The following PTGER3 variants were observed in gnomAD, a reference collection of about 807,000 sequenced individuals.
The protein encoded by PTGER3 is prostaglandin E2 receptor EP3 subtype.
PTGER3 carries 22 observed loss-of-function variants against 34.7 expected under a neutral mutation model. The ratio of observed to expected loss-of-function variants is 0.63; its 90% CI spans 0.45 to 0.91. The LOEUF is 0.91. Ranked by LOEUF, PTGER3 falls within the 40% of genes least tolerant of loss-of-function variation. The pLI is 0.00. For synonymous variants in PTGER3, 241 were observed against 230.1 expected, an observed-to-expected ratio of 1.05 and a Z score of -0.43; for missense variants, 468 against 519.4, an observed-to-expected ratio of 0.90 and a Z score of 0.96.
At chr1:71,018,103 T>C (rs1658074636) in intron 1 of PTGER3, among the ~76,000 whole-genome samples, 1 of 152,010 alleles carries the variant, frequency 6.6e-6, no homozygotes, top group Non-Finnish European at 1.5e-5. Context: ...GGTGGACTAA[T>C]ACAGCCACCA....
At chr1:70,887,618 A>T (rs575830103) in intron 4 of PTGER3, among the ~76,000 whole-genome samples, 1 of 139,760 alleles carries the variant, frequency 7.2e-6, no homozygotes, top group Non-Finnish European at 1.6e-5. Context: ...GCTCCTATAT[A>T]TACTTATTTT....
At chr1:70,928,497 G>A (rs114954069) in intron 4 of PTGER3, among the ~76,000 whole-genome samples, 2 of 151,936 alleles carry the variant, frequency 1.3e-5, no homozygotes, top group Non-Finnish European at 2.9e-5. Flanking sequence ...GCCAGGCATG[G>A]TGGCATGTGC....
At chr1:71,045,429 T>C (rs1660680036) in intron 1 of PTGER3, among the ~76,000 whole-genome samples, 1 of 152,186 alleles carries the variant, frequency 6.6e-6, no homozygotes, top group Non-Finnish European at 1.5e-5. Flanking sequence ...GTATAATACA[T>C]ATAGTTGGTT....
intron 4 of PTGER3, among the ~76,000 whole-genome samples, chr1:70,901,656 A>T (rs1053143442): frequency 6.6e-6 from 1 of 152,202 alleles, no homozygotes; most frequent in Non-Finnish European, 1.5e-5. Flanking sequence ...TGTGAGTATA[A>T]CTATTTAATC....
rs1390573421 is a variant in PTGER3, at chr1:71,018,481, C to A, written c.898-5997G>T. On this transcript the variant is annotated intron_variant, in intron 1 of 3. Coordinates refer to ENST00000306666, the MANE Select transcript of PTGER3 (RefSeq NM_198719.2). ...AAAAAAAGCTTATTAATCCCTTTCCCCTCTTTTTATAAACTATTAGAAAAG... is the reference window on the plus strand; with the variant it reads ...AAAAAAAGCTTATTAATCCCTTTCCACTCTTTTTATAAACTATTAGAAAAG... Among the ~76,000 whole-genome samples, 5 of 152,162 alleles carry A rather than the reference C, an allele frequency of 3.3e-5. 1 individual carries two copies. The South Asian group carries it at 8.3e-4, about 25-fold the overall frequency.
At chr1:70,858,436 G>C (rs1340537950) in intron 4 of PTGER3, among the ~76,000 whole-genome samples, 2 of 152,042 alleles carry the variant, frequency 1.3e-5, no homozygotes, top group Non-Finnish European at 2.9e-5. Flanking sequence ...TGTTGGTATA[G>C]TTTTCCTATT....
rs185521019 is a variant in PTGER3, at chr1:70,963,578, C to T, written c.1078-9789G>A. Among the ~76,000 whole-genome samples the T allele has an allele frequency of 2.6e-3, 400 of 152,324 alleles. 8 individuals carry two copies. Among genetic ancestry groups the T allele is most frequent in the African/African-American group, 9.3e-3 (385 of 41,576 alleles). ...TGCCAAGGCCCAGGGCCTGCGCCCTCCGAAGCCACTGCCTGAACGGTACCT... is the reference window on the plus strand; with the variant it reads ...TGCCAAGGCCCAGGGCCTGCGCCCTTCGAAGCCACTGCCTGAACGGTACCT... On this transcript the variant is annotated intron_variant, in intron 2 of 3. Transcript: ENST00000356595.
chr1:71,016,539 A>G (rs1657913882), intron 1 of PTGER3, among the ~76,000 whole-genome samples: 1 of 152,178 alleles, frequency 6.6e-6, no homozygotes, highest in Non-Finnish European at 1.5e-5. Flanking sequence ...GTGGTGGCTC[A>G]TGCCTGTAAT....
At chr1:71,031,568 A>G (rs909242065) in intron 1 of PTGER3, among the ~76,000 whole-genome samples, 39 of 152,268 alleles carry the variant, frequency 2.6e-4, no homozygotes, top group Non-Finnish European at 2.6e-4. Context: ...TGAATTTTAC[A>G]AGCATAACAC....
chr1:70,974,533 A>G lies in PTGER3; in HGVS notation c.1078-145T>C. On this transcript the variant is annotated intron_variant, in intron 2 of 3. Transcript: ENST00000306666. ...ACCTTCCTAGGACCATCTCATTTCTACTTCCATGCTTTGACTCACACTTAT... is the reference window on the plus strand; with the variant it reads ...ACCTTCCTAGGACCATCTCATTTCTGCTTCCATGCTTTGACTCACACTTAT... The G allele has an allele frequency of 5.2e-6, 3 of 578,110 alleles. No homozygotes were observed. The South Asian group carries it at 6.3e-5, about 12-fold the overall frequency. The allele number at this position is 578,110 out of a possible 1,614,324, so 35.8% of individuals were successfully genotyped here.
At chr1:70,937,377 G>A (rs1168313332) in intron 4 of PTGER3, among the ~76,000 whole-genome samples, 3 of 152,126 alleles carry the variant, frequency 2.0e-5, no homozygotes, top group Non-Finnish European at 4.4e-5. Context: ...ACTAGGTGTG[G>A]GGTTAAATTG....
intron 2 of PTGER3, among the ~76,000 whole-genome samples, chr1:70,958,564 T>C (rs937987249): frequency 6.6e-6 from 1 of 152,200 alleles, no homozygotes; most frequent in Non-Finnish European, 1.5e-5. Flanking sequence ...GTTTTTTATA[T>C]AATCAGGGTA....
intron 2 of PTGER3, among the ~76,000 whole-genome samples, chr1:70,978,742 A>G (rs1011872971): frequency 2.6e-5 from 4 of 152,172 alleles, no homozygotes; most frequent in African/African-American, 9.7e-5. Flanking sequence ...TATTCTGAGC[A>G]CTGGCAAGTT....
In PTGER3 at chr1:70,970,797, CAA is replaced by C; in HGVS notation, c.*931_*932del. The C allele has an allele frequency of 7.4e-6, 6 of 812,688 alleles. No individual in the cohort carries two copies. Among genetic ancestry groups the C allele is most frequent in the Non-Finnish European group, 7.4e-6 (5 of 672,620 alleles). The allele number at this position is 812,688 out of a possible 1,614,324, so 50.3% of individuals were successfully genotyped here. A position where few individuals can be genotyped will look rare whatever the true frequency, so the allele number is the denominator to read the frequency against. ...CTCAAGTATATCTTTTAGAAGTCCA[CAA>C]AGTTTTTTATTTTAATACAGACAAA... On this transcript the variant is annotated 3_prime_UTR_variant, in exon 4 of 4. Transcript: ENST00000306666.
At chr1:70,929,742 T>A (rs1648512429) in intron 4 of PTGER3, among the ~76,000 whole-genome samples, 1 of 152,244 alleles carries the variant, frequency 6.6e-6, no homozygotes, top group South Asian at 2.1e-4. Flanking sequence ...TTATCTCCAA[T>A]GTTTTATTTA....
chr1:70,942,073 C>A (rs569162160), intron 4 of PTGER3, among the ~76,000 whole-genome samples: 12 of 152,206 alleles, frequency 7.9e-5, no homozygotes, highest in Admixed American at 6.5e-4. Context: ...CCTTATGTTA[C>A]AATCCCCATA....
intron 4 of PTGER3, among the ~76,000 whole-genome samples, chr1:70,871,942 G>A (rs1024630005): frequency 2.0e-5 from 3 of 152,122 alleles, no homozygotes; most frequent in Admixed American, 6.5e-5. Context: ...CTATCTGTCA[G>A]ATTAAGATAC....
At chr1:70,907,253 A>G (rs374778077) in intron 4 of PTGER3, among the ~76,000 whole-genome samples, 19 of 152,198 alleles carry the variant, frequency 1.2e-4, no homozygotes, top group African/African-American at 4.6e-4. Flanking sequence ...TTCATTCCTT[A>G]GTCTGAAATG....
At chr1:70,900,718 G>C (rs1318749923) in intron 4 of PTGER3, among the ~76,000 whole-genome samples, 1 of 152,154 alleles carries the variant, frequency 6.6e-6, no homozygotes, top group African/African-American at 2.4e-5. Flanking sequence ...AGAGGAATGA[G>C]AGAGGAAAGC....
Sources: gnomAD v4.1 joint callset for allele counts (sites outside exome capture counted in the v4.1 genomes callset) on GRCh38, gnomAD v4.1.1 for gene constraint, MANE v1.5 for transcripts, NCBI Gene and HGNC (gene_info 2026-07-23, HGNC 2026-07-21) for gene names.